IGSF5: variants seen among roughly 807,000 people sequenced by gnomAD.
IGSF5 encodes immunoglobulin superfamily 5 like.
IGSF5 carries 41 observed loss-of-function variants against 39.4 expected under a neutral mutation model. That is an observed-to-expected ratio of 1.04 (90% CI 0.81 to 1.35). IGSF5 has a LOEUF of 1.35. Among genes scored for constraint, IGSF5 ranks in the 40% most tolerant of loss-of-function variants. The pLI is 0.00. For missense variants in IGSF5, 487 were observed against 494.6 expected (o/e 0.98, Z 0.15); for synonymous variants, 183 against 175.3 (o/e 1.04, Z -0.34).
chr21:39,784,006 T>C (rs376320152), intron 5 of IGSF5, among the ~76,000 whole-genome samples: 29 of 152,320 alleles, frequency 1.9e-4, no homozygotes, highest in African/African-American at 6.3e-4. Context: ...CTTTCCCCAG[T>C]GTATGTTCTT....
chr21:39,748,502 G>C (rs2079987393), intron 2 of IGSF5, among the ~76,000 whole-genome samples: 1 of 151,564 alleles, frequency 6.6e-6, no homozygotes, highest in Non-Finnish European at 1.5e-5. Flanking sequence ...GTAGAGACAG[G>C]GTTTCACCAT....
chr21:39,761,985 A>G (rs1299293560), intron 2 of IGSF5, among the ~76,000 whole-genome samples: 2 of 152,172 alleles, frequency 1.3e-5, no homozygotes, highest in East Asian at 1.9e-4. Context: ...AATCTTTTCA[A>G]TGGTGGGTGG....
chr21:39,745,540 C>T lies in IGSF5; in HGVS notation c.17+14C>T, dbSNP rs371086782. On this transcript the variant is annotated intron_variant, in intron 1 of 8. Transcript: ENST00000380588. ...TCAGAAGGAAAGGTAAGGGCGCATG[C>T]GTGGGCGACTGTTGAGTAGAGACTT... 1.2e-4 allele frequency: 86 copies of T among 716,826 alleles called. No homozygotes were observed. Among genetic ancestry groups the T allele is most frequent in the African/African-American group, 1.1e-3 (63 of 57,238 alleles). The allele number at this position is 716,826 out of a possible 1,614,324, so 44.4% of individuals were successfully genotyped here. A position where few individuals can be genotyped will look rare whatever the true frequency, so the allele number is the denominator to read the frequency against.
intron 2 of IGSF5, among the ~76,000 whole-genome samples, chr21:39,756,896 A>G (rs1434321274): frequency 2.0e-5 from 3 of 151,990 alleles, no homozygotes; most frequent in Non-Finnish European, 4.4e-5. Flanking sequence ...AGAGGTATAC[A>G]TGGCAGAATC....
chr21:39,772,576 G>A (rs1241251453), intron 4 of IGSF5, among the ~76,000 whole-genome samples: 1 of 152,154 alleles, frequency 6.6e-6, no homozygotes, highest in Non-Finnish European at 1.5e-5. Context: ...TCCTTAGCTT[G>A]TAGAAACATC....
At chr21:39,746,702 C>T (rs1249435382) in intron 2 of IGSF5, among the ~76,000 whole-genome samples, 1 of 152,132 alleles carries the variant, frequency 6.6e-6, no homozygotes, top group African/African-American at 2.4e-5. Context: ...TCACGGGACT[C>T]CTGATGCTTG....
chr21:39,718,162 G>A, the IGSF5 span, among the ~76,000 whole-genome samples: 1 of 152,096 alleles, frequency 6.6e-6, no homozygotes, highest in African/African-American at 2.4e-5. Flanking sequence ...TGTTCCTGGT[G>A]TATAGGAATG....
At chr21:39,726,514 C>A in the IGSF5 span, among the ~76,000 whole-genome samples, 2 of 151,816 alleles carry the variant, frequency 1.3e-5, no homozygotes, top group Admixed American at 6.6e-5. Context: ...AGTGCTCAGG[C>A]AGTGGCTGTG....
chr21:39,736,655 G>A, the IGSF5 span, among the ~76,000 whole-genome samples: 5 of 152,330 alleles, frequency 3.3e-5, 1 homozygote, highest in Middle Eastern at 6.8e-3. Flanking sequence ...AAACAGTCCC[G>A]GCCCGGGGTC....
At chr21:39,762,199 A>C (rs980855961) in intron 2 of IGSF5, among the ~76,000 whole-genome samples, 8 of 152,202 alleles carry the variant, frequency 5.3e-5, no homozygotes, top group African/African-American at 1.9e-4. Flanking sequence ...CAAACTTCGT[A>C]AAGTGTTTGA....
intron 8 of IGSF5, among the ~76,000 whole-genome samples, chr21:39,798,906 T>C (rs456303): frequency 0.32 from 47,978 of 151,966 alleles, 8,188 homozygotes; most frequent in Non-Finnish European, 0.39. Flanking sequence ...CCTTTGAAAA[T>C]TTCAGAAAAG....
At chr21:39,738,688 G>T in the IGSF5 span, among the ~76,000 whole-genome samples, 5 of 152,124 alleles carry the variant, frequency 3.3e-5, no homozygotes, top group African/African-American at 1.2e-4. The surrounding 1 kb of genome is among the most constrained non-coding windows in gnomAD (Gnocchi z 6.4). Context: ...TCTAGGGGTG[G>T]ACACTGGGCG....
At chr21:39,762,128 A>G (rs741867) in intron 2 of IGSF5, among the ~76,000 whole-genome samples, 122,949 of 152,144 alleles carry the variant, frequency 0.81, 49,850 homozygotes, top group Admixed American at 0.85. Context: ...ACTCCTATAA[A>G]GAAATCGTGT....
chr21:39,792,232 A>G, intron 7 of IGSF5, 133 bp downstream of exon 7: 1 of 601,534 alleles, frequency 1.7e-6, no homozygotes, highest in East Asian at 2.8e-5. Context: ...TAAATTTTAG[A>G]AGAAGAAATT....
chr21:39,731,262 G>T, the IGSF5 span, among the ~76,000 whole-genome samples: 1 of 152,166 alleles, frequency 6.6e-6, no homozygotes, highest in Non-Finnish European at 1.5e-5. Context: ...ACACTTCTCT[G>T]TTGAGAGGTC....
At chr21:39,790,365 A>G (rs1257754697) in intron 6 of IGSF5, among the ~76,000 whole-genome samples, 3 of 152,104 alleles carry the variant, frequency 2.0e-5, no homozygotes, top group Admixed American at 2.0e-4. Flanking sequence ...ACCATTACAA[A>G]CACTACTGCT....
the IGSF5 span, among the ~76,000 whole-genome samples, chr21:39,719,969 T>A: frequency 6.6e-6 from 1 of 152,256 alleles, no homozygotes; most frequent in South Asian, 2.1e-4. Flanking sequence ...TTAAACTTTT[T>A]TTGTCTTAGA....
chr21:39,793,302 G>A (rs1040488249), intron 7 of IGSF5, among the ~76,000 whole-genome samples: 1 of 152,088 alleles, frequency 6.6e-6, no homozygotes, highest in Non-Finnish European at 1.5e-5. Flanking sequence ...TGAAACTAAT[G>A]TGTCGAGAAA....
chr21:39,715,103 CT>C, the IGSF5 span, among the ~76,000 whole-genome samples: 1 of 151,582 alleles, frequency 6.6e-6, no homozygotes, highest in South Asian at 2.1e-4. Context: ...CCCTTCCCTT[CT>C]CTTCCTTTCT....
Sources: gnomAD v4.1 joint callset for allele counts (sites outside exome capture counted in the v4.1 genomes callset) on GRCh38, gnomAD v4.1.1 for gene constraint, Gnocchi (gnomAD v3.1) non-coding constraint, MANE v1.5 for transcripts, NCBI Gene and HGNC (gene_info 2026-07-23, HGNC 2026-07-21) for gene names.